LRRTM4: variants seen among roughly 807,000 people sequenced by gnomAD.
LRRTM4 encodes leucine-rich repeat transmembrane neuronal protein 4.
LRRTM4 carries 25 observed loss-of-function variants against 47.6 expected under a neutral mutation model. That is an observed-to-expected ratio of 0.53 (90% CI 0.38 to 0.73). LRRTM4 has a LOEUF of 0.73. LRRTM4 is among the 30% of genes least tolerant of loss of function. The pLI is 0.00. For missense variants in LRRTM4, 638 were observed against 713.4 expected (o/e 0.89, Z 1.20); for synonymous variants, 311 against 269.5 (o/e 1.15, Z -1.51).
intron 3 of LRRTM4, among the ~76,000 whole-genome samples, chr2:77,292,255 T>G (rs1214765356): frequency 1.3e-4 from 19 of 150,400 alleles, no homozygotes; most frequent in Middle Eastern, 3.4e-3. Flanking sequence ...GGTGGGACTG[T>G]AAACTAGTTC....
intron 3 of LRRTM4, among the ~76,000 whole-genome samples, chr2:77,391,410 G>A (rs1673500107): frequency 6.6e-6 from 1 of 151,916 alleles, no homozygotes; most frequent in African/African-American, 2.4e-5. Flanking sequence ...CATTAAAAAT[G>A]CATTGTTTTA....
chr2:76,813,772 TTTTAGATTCACACAAA>T (rs1670816193), intron 3 of LRRTM4, among the ~76,000 whole-genome samples: 1 of 152,096 alleles, frequency 6.6e-6, no homozygotes, highest in African/African-American at 2.4e-5. Context: ...TTAAGAATAG[TTTTAGATTCACACAAA>T]GATTGTGAAG....
intron 3 of LRRTM4, among the ~76,000 whole-genome samples, chr2:77,343,436 C>G (rs184155691): frequency 6.6e-6 from 1 of 151,982 alleles, no homozygotes; most frequent in African/African-American, 2.4e-5. Flanking sequence ...TATATTAACT[C>G]TTGAAGACTA....
chr2:77,314,394 A>C (rs1470441362), intron 3 of LRRTM4, among the ~76,000 whole-genome samples: 3 of 152,240 alleles, frequency 2.0e-5, no homozygotes, highest in Non-Finnish European at 4.4e-5. Context: ...AATGCATATC[A>C]ACAGAGAGAA....
intron 3 of LRRTM4, among the ~76,000 whole-genome samples, chr2:77,063,139 T>TA (rs1679845087): frequency 6.6e-6 from 1 of 151,552 alleles, no homozygotes; most frequent in African/African-American, 2.4e-5. Flanking sequence ...ATTTTTTTTT[T>TA]AGGAGAGACA....
At chr2:77,422,681 A>G (rs189098305) in intron 3 of LRRTM4, among the ~76,000 whole-genome samples, 15 of 152,312 alleles carry the variant, frequency 9.8e-5, no homozygotes, top group African/African-American at 3.4e-4. Flanking sequence ...ATGATGATAT[A>G]GAGTTTATTT....
At chr2:77,024,573 T>C (rs952714366) in intron 3 of LRRTM4, among the ~76,000 whole-genome samples, 1 of 151,878 alleles carries the variant, frequency 6.6e-6, no homozygotes, top group Non-Finnish European at 1.5e-5. Flanking sequence ...CATTTTTTTT[T>C]GTTACTAATG....
chr2:77,415,406 A>G (rs937910446), intron 3 of LRRTM4, among the ~76,000 whole-genome samples: 2 of 152,060 alleles, frequency 1.3e-5, no homozygotes, highest in African/African-American at 2.4e-5. Context: ...TTAATTCCTC[A>G]ATTTTATTCT....
At chr2:77,485,089 T>C (rs1677857063) in intron 3 of LRRTM4, among the ~76,000 whole-genome samples, 1 of 152,126 alleles carries the variant, frequency 6.6e-6, no homozygotes, top group African/African-American at 2.4e-5. Flanking sequence ...ATAAACTATG[T>C]TTACATTTAA....
At chr2:77,050,435 G>A (rs1165499911) in intron 3 of LRRTM4, among the ~76,000 whole-genome samples, 1 of 152,108 alleles carries the variant, frequency 6.6e-6, no homozygotes, top group Admixed American at 6.6e-5. Context: ...CTTGTAAATA[G>A]CATATCGGTT....
At chr2:77,412,888 A>G (rs1674496891) in intron 3 of LRRTM4, among the ~76,000 whole-genome samples, 1 of 152,122 alleles carries the variant, frequency 6.6e-6, no homozygotes, top group Non-Finnish European at 1.5e-5. Flanking sequence ...TTTAGTAGTA[A>G]GAGGGAAAAA....
At chr2:77,181,622 AGT>A in intron 3 of LRRTM4, among the ~76,000 whole-genome samples, 1 of 152,208 alleles carries the variant, frequency 6.6e-6, no homozygotes, top group East Asian at 1.9e-4. Context: ...TCAAAAATGA[AGT>A]GGTAATTTAA....
rs1211709755 is a variant in LRRTM4 at position 76,994,585 on chromosome 2, T to C, written c.1552-245669A>G. On this transcript the variant is annotated intron_variant, in intron 3 of 3. Coordinates refer to ENST00000409884, the MANE Select transcript of LRRTM4 (RefSeq NM_001134745.3). The stretch of plus-strand genomic sequence containing the variant: ...TGTGGCAGGCTAACCTATTTGCTTG[T>C]AAATAGGATAAAATTTCAAATCCTG... Among the ~76,000 whole-genome samples the C allele has an allele frequency of 2.0e-5, 3 of 152,010 alleles. No homozygotes were observed. The East Asian group carries it at 5.8e-4, about 30-fold the overall frequency.
intron 3 of LRRTM4, among the ~76,000 whole-genome samples, chr2:77,130,157 C>T (rs148963661): frequency 1.3e-3 from 199 of 152,236 alleles, no homozygotes; most frequent in Admixed American, 2.5e-3. Context: ...CATCCCAGTG[C>T]TTTGTAATAA....
rs150849550 is a variant in LRRTM4, at chr2:77,114,814, G to C, written c.1552-365898C>G. Among the ~76,000 whole-genome samples, 507 of 152,236 alleles carry C rather than the reference G, an allele frequency of 3.3e-3. 2 individuals are homozygous for C. The highest frequency in any genetic ancestry group is 0.012 in the African/African-American group (485 of 41,536). ...AAAGGGGAGGGGGTGTATGAACAGC[G>C]AGTAAGTCACAAAGATCACGTGCTC... On this transcript the variant is annotated intron_variant, in intron 3 of 3. Transcript: ENST00000409884.
At chr2:76,979,037 C>A (rs1676509593) in intron 3 of LRRTM4, among the ~76,000 whole-genome samples, 1 of 151,954 alleles carries the variant, frequency 6.6e-6, no homozygotes. Context: ...TGTTATTTTC[C>A]ACCATCAGAA....
intron 3 of LRRTM4, among the ~76,000 whole-genome samples, chr2:76,911,297 T>C (rs1301278499): frequency 1.3e-5 from 2 of 152,218 alleles, no homozygotes; most frequent in Admixed American, 6.5e-5. Context: ...AATGCAATCA[T>C]TGTTTTTAGG....
intron 3 of LRRTM4, among the ~76,000 whole-genome samples, chr2:76,802,162 G>A (rs769683175): frequency 6.6e-6 from 1 of 151,496 alleles, no homozygotes; most frequent in African/African-American, 2.4e-5. Flanking sequence ...CATCTAAACT[G>A]GAGAGGAATA....
At chr2:77,374,305 C>T (rs187572483) in intron 3 of LRRTM4, among the ~76,000 whole-genome samples, 4 of 151,856 alleles carry the variant, frequency 2.6e-5, no homozygotes, top group Admixed American at 2.6e-4. Context: ...GAAGAGTAAA[C>T]TGACTTGCAG....
Sources: allele counts gnomAD v4.1 joint callset (sites outside exome capture counted in the v4.1 genomes callset), GRCh38; gene constraint gnomAD v4.1.1; transcripts MANE v1.5; gene names NCBI Gene and HGNC (gene_info 2026-07-23, HGNC 2026-07-21).